The following CSMD1 variants were observed in gnomAD, a reference collection of about 807,000 sequenced individuals.
CSMD1 encodes CUB and sushi domain-containing protein 1.
In CSMD1, 213 loss-of-function variants were observed where a neutral mutation model predicts 417.5. The observed-to-expected ratio is 0.51, with a 90% confidence interval of 0.46 to 0.57. CSMD1 has a LOEUF of 0.57. Among genes scored for constraint, CSMD1 ranks in the 20% least tolerant of loss-of-function variants. The pLI is 0.00. For synonymous variants in CSMD1, 2,862 were observed against 1,736.8 expected (o/e 1.65, Z -16.11); for missense variants, 6,923 against 4,529.7 (o/e 1.53, Z -15.17).
chr8:3,791,916 A>G (rs991852765), intron 5 of CSMD1, among the ~76,000 whole-genome samples: 5 of 152,138 alleles, frequency 3.3e-5, no homozygotes, highest in African/African-American at 1.2e-4. Context: ...AGTAATGGCA[A>G]AAACCTCAAT....
chr8:3,869,886 A>G (rs1480931006), intron 5 of CSMD1, among the ~76,000 whole-genome samples: 1 of 152,246 alleles, frequency 6.6e-6, no homozygotes, highest in Non-Finnish European at 1.5e-5. Flanking sequence ...TTGTATCAGT[A>G]GTGCTTGAAG....
chr8:3,243,863 T>C (rs1298639230), intron 26 of CSMD1, among the ~76,000 whole-genome samples: 1 of 152,046 alleles, frequency 6.6e-6, no homozygotes, highest in African/African-American at 2.4e-5. Flanking sequence ...CCTTTTTTGC[T>C]AAAACAAAGT....
chr8:4,434,714 C>T (rs759697285), intron 2 of CSMD1, among the ~76,000 whole-genome samples: 1 of 152,122 alleles, frequency 6.6e-6, no homozygotes, highest in Admixed American at 6.6e-5. Flanking sequence ...TTTCATGCCC[C>T]TGACAGTGCT....
At chr8:3,089,592 G>A (rs1814790004) in intron 48 of CSMD1, among the ~76,000 whole-genome samples, 1 of 152,188 alleles carries the variant, frequency 6.6e-6, no homozygotes, top group South Asian at 2.1e-4. Flanking sequence ...TTGGCCACAT[G>A]TTAATATTTT....
intron 50 of CSMD1, among the ~76,000 whole-genome samples, chr8:3,046,189 G>A (rs1434837533): frequency 6.6e-6 from 1 of 152,198 alleles, no homozygotes; most frequent in African/African-American, 2.4e-5. Flanking sequence ...CTGTTGTTTG[G>A]AGACACAAGG....
chr8:3,105,673 T>C (rs1356948049), intron 46 of CSMD1, among the ~76,000 whole-genome samples: 3 of 152,222 alleles, frequency 2.0e-5, no homozygotes, highest in East Asian at 3.9e-4. Context: ...AAACTTGAGA[T>C]GTGCATGTTT....
intron 26 of CSMD1, among the ~76,000 whole-genome samples, chr8:3,259,559 A>G (rs1800903942): frequency 6.6e-6 from 1 of 152,194 alleles, no homozygotes; most frequent in South Asian, 2.1e-4. Context: ...TGACATTACA[A>G]CTCCATTACA....
intron 11 of CSMD1, among the ~76,000 whole-genome samples, chr8:3,493,352 T>C (rs936671507): frequency 8.6e-5 from 13 of 151,962 alleles, no homozygotes; most frequent in Admixed American, 2.0e-4. Context: ...TTATTGTTTT[T>C]TGCTACCTCA....
intron 3 of CSMD1, among the ~76,000 whole-genome samples, chr8:4,270,387 T>C (rs940391708): frequency 6.6e-6 from 1 of 152,176 alleles, no homozygotes; most frequent in Admixed American, 6.5e-5. Flanking sequence ...TCTCCATCCA[T>C]GATCTCCCTC....
intron 1 of CSMD1, among the ~76,000 whole-genome samples, chr8:4,705,296 A>T (rs1299062566): frequency 6.6e-6 from 1 of 152,182 alleles, no homozygotes; most frequent in Non-Finnish European, 1.5e-5. Context: ...TACAATGGGT[A>T]TTAAAAATAA....
chr8:4,025,036 C>A (rs1310880543), intron 4 of CSMD1, among the ~76,000 whole-genome samples: 1 of 152,170 alleles, frequency 6.6e-6, no homozygotes, highest in Non-Finnish European at 1.5e-5. Context: ...TAGAATTAGG[C>A]AGCCGGGACA....
chr8:3,392,851 C>T (rs1321398475), intron 17 of CSMD1, among the ~76,000 whole-genome samples: 1 of 152,100 alleles, frequency 6.6e-6, no homozygotes, highest in Non-Finnish European at 1.5e-5. Flanking sequence ...CATATCTCTA[C>T]ACCACCCACA....
intron 3 of CSMD1, among the ~76,000 whole-genome samples, chr8:4,196,902 C>T (rs776218450): frequency 4.6e-5 from 7 of 152,132 alleles, no homozygotes; most frequent in Non-Finnish European, 7.3e-5. Flanking sequence ...ATTAAATTCC[C>T]ACATTTCTAA....
chr8:3,301,451 G>A (rs1318316261), intron 25 of CSMD1, among the ~76,000 whole-genome samples: 1 of 152,126 alleles, frequency 6.6e-6, no homozygotes, highest in Non-Finnish European at 1.5e-5. Context: ...TAGTACAGAA[G>A]GAAGGTAACT....
chr8:4,599,420 A>C (rs572717636), intron 2 of CSMD1, among the ~76,000 whole-genome samples: 12 of 152,078 alleles, frequency 7.9e-5, no homozygotes, highest in African/African-American at 2.9e-4. Context: ...ATTTTTGATA[A>C]TCCTAAATTG....
intron 5 of CSMD1, among the ~76,000 whole-genome samples, chr8:3,973,247 G>A (rs575676129): frequency 4.6e-5 from 7 of 152,218 alleles, no homozygotes; most frequent in Non-Finnish European, 7.3e-5. Context: ...GCAGGTGGGA[G>A]TGAGAGCTAT....
At chr8:3,087,713 C>T (rs535549273) in intron 48 of CSMD1, among the ~76,000 whole-genome samples, 22 of 152,220 alleles carry the variant, frequency 1.4e-4, no homozygotes, top group Admixed American at 6.5e-4. Flanking sequence ...GGGCAGCATT[C>T]AAAGTCATCC....
intron 33 of CSMD1, among the ~76,000 whole-genome samples, chr8:3,196,494 G>A (rs1041829921): frequency 6.6e-6 from 1 of 152,106 alleles, no homozygotes; most frequent in African/African-American, 2.4e-5. Context: ...ACCTCTCTTG[G>A]GGTCTGGATC....
chr8:4,425,725 T>A (rs370181262), intron 2 of CSMD1, among the ~76,000 whole-genome samples: 4 of 152,180 alleles, frequency 2.6e-5, no homozygotes, highest in Non-Finnish European at 5.9e-5. Flanking sequence ...ACGAAACATT[T>A]TGAAGTAAAA....
Sources: allele counts gnomAD v4.1 joint callset (sites outside exome capture counted in the v4.1 genomes callset), GRCh38; gene constraint gnomAD v4.1.1; transcripts MANE v1.5; gene names NCBI Gene and HGNC (gene_info 2026-07-23, HGNC 2026-07-21).